The following VPS13C variants were observed in gnomAD, a reference collection of about 807,000 sequenced individuals.
VPS13C encodes intermembrane lipid transfer protein VPS13C.
A neutral mutation model predicts 456.8 loss-of-function variants in VPS13C; 358 were observed. That is an observed-to-expected ratio of 0.78 (90% confidence interval 0.72 to 0.86). The LOEUF is 0.86. VPS13C is among the 40% of genes least tolerant of loss of function. The pLI is 0.00. For synonymous variants in VPS13C, 1,578 were observed against 1,486.7 expected (o/e 1.06, Z -1.41); for missense variants, 4,818 against 4,385.4 (o/e 1.10, Z -2.79).
At chr15:61,928,547 TAGAG>T (rs2043945850) in intron 51 of VPS13C, among the ~76,000 whole-genome samples, 1 of 152,144 alleles carries the variant, frequency 6.6e-6, no homozygotes, top group Non-Finnish European at 1.5e-5. Context: ...GGTTATACAT[TAGAG>T]AGAAAAATAT....
chr15:62,006,892 A>G (rs942977342), intron 15 of VPS13C, among the ~76,000 whole-genome samples: 3 of 152,184 alleles, frequency 2.0e-5, no homozygotes, highest in Non-Finnish European at 2.9e-5. Flanking sequence ...TTTTGGCTGC[A>G]TAAATGTCTT....
At chr15:61,914,878 TAAAAAAAAAAAAAAAAAAA>T (rs60910951) in intron 61 of VPS13C, among the ~76,000 whole-genome samples, 1 of 102,048 alleles carries the variant, frequency 9.8e-6, no homozygotes, top group African/African-American at 3.7e-5. Flanking sequence ...AACTCTGCCT[TAAAAAAAAAAAAAAAAAAA>T]AAAAAAAAAA....
At chr15:61,983,162 G>A (rs1197757992) in intron 20 of VPS13C, among the ~76,000 whole-genome samples, 1 of 152,048 alleles carries the variant, frequency 6.6e-6, no homozygotes, top group African/African-American at 2.4e-5. Flanking sequence ...GAGTTCTGCA[G>A]TCTTTATATG....
intron 60 of VPS13C, 139 bp from the exon 61 acceptor site, chr15:61,916,161 T>G: frequency 9.8e-7 from 1 of 1,024,232 alleles, no homozygotes; most frequent in Non-Finnish European, 1.4e-6. Context: ...GCTTACATAT[T>G]ACAAATGTCC....
intron 15 of VPS13C, among the ~76,000 whole-genome samples, chr15:62,001,356 T>C (rs1596457736): frequency 6.6e-6 from 1 of 152,228 alleles, no homozygotes; most frequent in Non-Finnish European, 1.5e-5. Flanking sequence ...CACTGGTGAT[T>C]GTGATATACT....
intron 27 of VPS13C, among the ~76,000 whole-genome samples, chr15:61,970,302 G>A (rs1363335203): frequency 6.6e-6 from 1 of 152,092 alleles, no homozygotes; most frequent in African/African-American, 2.4e-5. Context: ...CCGAATGAAA[G>A]ACTATGCACA....
rs571402222 is a variant in VPS13C, at chr15:61,943,766, C to T, written c.5149-1699G>A. On this transcript the variant is annotated intron_variant, in intron 45 of 84. Coordinates refer to ENST00000644861, the MANE Select transcript of VPS13C (RefSeq NM_020821.3). ...ATGACTAAGTGCTTAAAAGCAACTG[C>T]AACAAAAATAAAAATTGACAAGTGA... is the stretch of plus-strand genomic sequence containing the variant. 4.7e-4 allele frequency among the ~76,000 whole-genome samples: 71 copies of T among 151,932 alleles called. 1 individual carries two copies. The highest frequency in any genetic ancestry group is 1.6e-3 in the African/African-American group (67 of 41,466).
At chr15:61,914,878 TAAAAAAAAAAAAAAAAAA>T (rs60910951) in intron 61 of VPS13C, among the ~76,000 whole-genome samples, 2 of 102,052 alleles carry the variant, frequency 2.0e-5, no homozygotes, top group African/African-American at 7.4e-5. Flanking sequence ...AACTCTGCCT[TAAAAAAAAAAAAAAAAAA>T]AAAAAAAAAA....
At chr15:61,945,482 T>C (rs1187178664) in intron 45 of VPS13C, among the ~76,000 whole-genome samples, 1 of 152,200 alleles carries the variant, frequency 6.6e-6, no homozygotes, top group African/African-American at 2.4e-5. Flanking sequence ...ACATTTAAAA[T>C]GTATACCTGT....
chr15:61,903,167 A>T (rs1030963608), intron 66 of VPS13C, among the ~76,000 whole-genome samples: 1 of 151,994 alleles, frequency 6.6e-6, no homozygotes, highest in African/African-American at 2.4e-5. Context: ...CTCTACAGAA[A>T]AAAAACAAAA....
At chr15:62,034,573 A>G (rs2047921509) in intron 4 of VPS13C, among the ~76,000 whole-genome samples, 1 of 151,600 alleles carries the variant, frequency 6.6e-6, no homozygotes, top group Non-Finnish European at 1.5e-5. Context: ...ACAAAATAGG[A>G]AAAAAAATAA....
intron 13 of VPS13C, among the ~76,000 whole-genome samples, chr15:62,010,131 A>G (rs1438241827): frequency 6.6e-6 from 1 of 151,994 alleles, no homozygotes; most frequent in Non-Finnish European, 1.5e-5. Context: ...TAGAGCTTGC[A>G]GTGACCTGAG....
Position 61,884,146 on chromosome 15 carries a change from C to G in VPS13C, c.9465G>C (p.Lys3155Asn). Residue 3155 changes from lysine to asparagine, a missense_variant, in exon 68 of 85, where the codon AAG becomes AAC. Physicochemically the swap from Lys to Asn is moderately conservative, Grantham distance 94 (BLOSUM62 0). Transcript: ENST00000644861. ...HQISRDHGWIKLDNNFEVNFD... is the reference protein window; with the variant it reads ...HQISRDHGWINLDNNFEVNFD... The stretch of plus-strand genomic sequence containing the variant: ...GGTATACCTCAAAATTATTATCTAG[C>G]TTAATCCAGCCATGGTCTCTTGATA... 6.3e-7 allele frequency: 1 copy of G among 1,593,418 alleles called. No individual in the cohort carries two copies. Among genetic ancestry groups the G allele is most frequent in the Non-Finnish European group, 8.5e-7 (1 of 1,172,446 alleles).
Position 61,910,184 on chromosome 15 carries a change from T to C in VPS13C, c.8837A>G (p.Glu2946Gly). ...RQDNGTLLSL[E>G]DLNGGILVDV... ...TAAAATATGAAAACTTACCAGATCT[T>C]CTAAGCTCAATAAAGTGCCATTATC... Residue 2946 changes from glutamate (E) to glycine (G), a missense_variant, in exon 64 of 85, where the codon GAA becomes GGA. Transcript: ENST00000644861. 4 of 1,377,822 alleles carry C rather than the reference T, an allele frequency of 2.9e-6. No homozygotes were observed. Among genetic ancestry groups the C allele is most frequent in the Non-Finnish European group, 2.8e-6 (3 of 1,059,620 alleles). 85.3% of individuals were successfully genotyped at this position (1,377,822 alleles called of 1,614,324 possible).
intron 69 of VPS13C, among the ~76,000 whole-genome samples, 156 bp from the exon 70 acceptor site, chr15:61,881,984 T>G (rs1895891499): frequency 6.6e-6 from 1 of 152,142 alleles, no homozygotes; most frequent in Admixed American, 6.5e-5. Flanking sequence ...TCTGTAAAAG[T>G]TACATACCTC....
chr15:62,013,706 G>A (rs904874973), intron 10 of VPS13C, among the ~76,000 whole-genome samples: 1 of 151,908 alleles, frequency 6.6e-6, no homozygotes, highest in African/African-American at 2.4e-5. Context: ...AGTACCATTT[G>A]GGAAGTATTA....
intron 70 of VPS13C, 21 bp from the exon 71 acceptor site, chr15:61,881,653 A>AT (rs1491485479): frequency 6.2e-7 from 1 of 1,608,206 alleles, no homozygotes; most frequent in Non-Finnish European, 8.5e-7. Context: ...GAAGTAACAC[A>AT]TAAAAAAAAA....
Position 61,962,793 on chromosome 15 carries a change from T to C in VPS13C, c.3391A>G (p.Asn1131Asp). ...RKQSLFARLE[N>D]IIVTDVDPKT... ...GGATCAACATCTGTGACAATAATAT[T>C]TTCTAGTCGGGCAAAAAGTGACTGC... Residue 1131 changes from asparagine to aspartate, a missense_variant, in exon 33 of 85, where the codon AAT (asparagine) becomes GAT (aspartate). Asn to Asp is a conservative substitution (Grantham distance 23). Around this residue, in one of 3 missense-constraint regions of VPS13C, gnomAD observed 4,552 missense variants for 4,130.6 expected, o/e 1.10. Coordinates refer to ENST00000644861, the MANE Select transcript of VPS13C (RefSeq NM_020821.3). The C allele has an allele frequency of 6.2e-7, 1 of 1,607,984 alleles. No homozygotes were observed. Among genetic ancestry groups the C allele is most frequent in the Non-Finnish European group, 8.5e-7 (1 of 1,176,276 alleles).
At chr15:61,938,560 A>C (rs1567025494) in intron 47 of VPS13C, among the ~76,000 whole-genome samples, 2 of 152,220 alleles carry the variant, frequency 1.3e-5, no homozygotes, top group African/African-American at 4.8e-5. Context: ...CTGTTGCTGC[A>C]TTCCTGAGTT....
Sources: gnomAD v4.1 joint callset for allele counts (sites outside exome capture counted in the v4.1 genomes callset) on GRCh38, gnomAD v4.1.1 for gene constraint, gnomAD v4.1.1 regional missense constraint, MANE v1.5 for transcripts, NCBI Gene and HGNC (gene_info 2026-07-23, HGNC 2026-07-21) for gene names.